The following SND1 variants were observed in gnomAD, a reference collection of about 807,000 sequenced individuals.
The protein encoded by SND1 is staphylococcal nuclease and tudor domain containing 1, also known as staphylococcal nuclease domain-containing protein 1.
Under a neutral mutation model 121.7 loss-of-function variants are expected in SND1, and 38 were observed. That is an observed-to-expected ratio of 0.31 (90% CI 0.24 to 0.41). SND1 has a LOEUF of 0.41. Ranked by LOEUF, SND1 falls within the 10% of genes least tolerant of loss-of-function variation. The probability of loss-of-function intolerance (pLI) is 1.00; values close to 1 mark genes in which losing one functional copy is unlikely to be tolerated. For missense variants in SND1, 868 were observed against 1,184.6 expected, an observed-to-expected ratio of 0.73 and a Z score of 3.92; for synonymous variants, 401 against 447.4, an observed-to-expected ratio of 0.90 and a Z score of 1.31.
intron 16 of SND1, among the ~76,000 whole-genome samples, chr7:128,009,311 C>G (rs1803057817): frequency 6.6e-6 from 1 of 152,204 alleles, no homozygotes; most frequent in Non-Finnish European, 1.5e-5. Context: ...CTCCCAGCTG[C>G]TGTTAGCTTC....
At chr7:127,788,718 T>C (rs1407506169) in intron 10 of SND1, among the ~76,000 whole-genome samples, 1 of 152,218 alleles carries the variant, frequency 6.6e-6, no homozygotes, top group East Asian at 1.9e-4. Flanking sequence ...CTTCAAATTC[T>C]CTTCTCTTTG....
chr7:127,974,827 C>G (rs2116891190), intron 15 of SND1, among the ~76,000 whole-genome samples: 1 of 152,334 alleles, frequency 6.6e-6, no homozygotes, highest in African/African-American at 2.4e-5. Context: ...GACAGCTGTC[C>G]TCTTTGCCAT....
rs1793697474 is a variant in SND1, at chr7:128,086,968, A to G, written c.2335A>G (p.Thr779Ala). The G allele has an allele frequency of 6.2e-7, 1 of 1,614,066 alleles. No individual in the cohort carries two copies. The highest frequency in any genetic ancestry group is 1.7e-5 in the Admixed American group (1 of 60,000). Residue 779 changes from threonine to alanine, a missense_variant, in exon 21 of 24, where the codon ACC becomes GCC. Physicochemically the swap from Thr to Ala is moderately conservative, Grantham distance 58. Transcript: ENST00000354725. ...REVLPSTRLG[T>A]LSPAFSTRVL... ...GGTCCTGCCATCCACCCGCCTGGGT[A>G]CCCTATCACCTGCCTTCAGCACTCG...
chr7:128,077,667 T>A (rs1393066479), intron 17 of SND1, among the ~76,000 whole-genome samples: 2 of 152,228 alleles, frequency 1.3e-5, no homozygotes, highest in Non-Finnish European at 2.9e-5. Context: ...ATCAGTCAGC[T>A]GGGACAGCCT....
chr7:127,666,845 G>T (rs1213409316), intron 1 of SND1, among the ~76,000 whole-genome samples: 5 of 152,166 alleles, frequency 3.3e-5, no homozygotes, highest in Admixed American at 6.5e-5. Flanking sequence ...TGGTGGGGAA[G>T]GACTGACCAG....
chr7:127,727,986 G>A (rs569213036), intron 10 of SND1, among the ~76,000 whole-genome samples: 4 of 152,268 alleles, frequency 2.6e-5, no homozygotes, highest in Non-Finnish European at 4.4e-5. Context: ...AGGTCATGGA[G>A]TAGGGGTACA....
chr7:127,886,725 CATTCAA>C (rs1799915635), intron 12 of SND1, among the ~76,000 whole-genome samples: 1 of 151,428 alleles, frequency 6.6e-6, no homozygotes, highest in South Asian at 2.1e-4. Flanking sequence ...GGGGAGGAAC[CATTCAA>C]ATATGTATCA....
chr7:127,801,876 C>T (rs142763280), intron 10 of SND1, among the ~76,000 whole-genome samples: 2,621 of 152,204 alleles, frequency 0.017, 78 homozygotes, highest in African/African-American at 0.059. Context: ...GAGTCTTGCT[C>T]TGTCGCCCCC....
intron 16 of SND1, among the ~76,000 whole-genome samples, chr7:128,063,832 G>A (rs1793270145): frequency 6.6e-6 from 1 of 152,240 alleles, no homozygotes; most frequent in Non-Finnish European, 1.5e-5. Context: ...TGAATAGCAT[G>A]TGCCAAGGCC....
intron 10 of SND1, among the ~76,000 whole-genome samples, chr7:127,776,673 G>A (rs1030509927): frequency 2.6e-5 from 4 of 152,206 alleles, no homozygotes; most frequent in African/African-American, 4.8e-5. Flanking sequence ...AAATTAAGGA[G>A]AAGAGAGCCT....
At chr7:127,773,198 A>G (rs1003343680) in intron 10 of SND1, among the ~76,000 whole-genome samples, 5 of 152,206 alleles carry the variant, frequency 3.3e-5, no homozygotes, top group Admixed American at 3.3e-4. Context: ...TCACGCCTGT[A>G]ATCCCAGCAC....
At chr7:127,931,458 C>T (rs2116822749) in intron 15 of SND1, among the ~76,000 whole-genome samples, 1 of 152,264 alleles carries the variant, frequency 6.6e-6, no homozygotes, top group South Asian at 2.1e-4. Context: ...AGGAGAGAAG[C>T]CATCTTCATA....
At chr7:127,923,840 G>C (rs1019732931) in intron 14 of SND1, among the ~76,000 whole-genome samples, 1 of 152,122 alleles carries the variant, frequency 6.6e-6, no homozygotes, top group African/African-American at 2.4e-5. Flanking sequence ...TAAAATGAGA[G>C]AGCACATTTG....
intron 10 of SND1, among the ~76,000 whole-genome samples, chr7:127,723,396 T>A (rs1796529834): frequency 6.6e-6 from 1 of 152,216 alleles, no homozygotes; most frequent in African/African-American, 2.4e-5. Context: ...TTCTTTATTC[T>A]TTCTTTTTCT....
At chr7:127,866,498 A>G (rs1799480236) in intron 12 of SND1, among the ~76,000 whole-genome samples, 1 of 152,166 alleles carries the variant, frequency 6.6e-6, no homozygotes. Flanking sequence ...TTTCATTAGG[A>G]AGGTAGTGAT....
rs903400982 is a variant in SND1, at chr7:127,809,543, C to T, written c.1242+1970C>T. Among the ~76,000 whole-genome samples, 3 of 152,206 alleles carry T rather than the reference C, an allele frequency of 2.0e-5. No homozygotes were observed. In the East Asian group the frequency reaches 5.8e-4, roughly 29 times the overall value. ...GGGGAGTGGCTAGCACATCATTGCA[C>T]ATTTCTACCAATTCCCTTCAGACCT... On this transcript the variant is annotated intron_variant, in intron 11 of 23. Coordinates refer to ENST00000354725, the MANE Select transcript of SND1 (RefSeq NM_014390.4).
intron 13 of SND1, among the ~76,000 whole-genome samples, chr7:127,898,749 A>C (rs542804014): frequency 6.6e-6 from 1 of 151,914 alleles, no homozygotes; most frequent in African/African-American, 2.4e-5. Flanking sequence ...GTTCTGTTTT[A>C]TTGTTTACAG....
chr7:127,855,301 G>A (rs891052936), intron 12 of SND1, among the ~76,000 whole-genome samples: 9 of 151,954 alleles, frequency 5.9e-5, no homozygotes, highest in East Asian at 5.8e-4. Context: ...TGAAGAGACC[G>A]AGGTTTAGCC....
At chr7:127,719,238 A>G (rs544034655) in intron 9 of SND1, among the ~76,000 whole-genome samples, 10 of 152,262 alleles carry the variant, frequency 6.6e-5, no homozygotes, top group African/African-American at 1.4e-4. Flanking sequence ...TTTTTGGTCA[A>G]TTGTCCAACC....
Sources: allele counts gnomAD v4.1 joint callset (sites outside exome capture counted in the v4.1 genomes callset), GRCh38; gene constraint gnomAD v4.1.1; transcripts MANE v1.5; gene names NCBI Gene and HGNC (gene_info 2026-07-23, HGNC 2026-07-21).